The following NBEA variants were observed in gnomAD, a reference collection of about 807,000 sequenced individuals.
NBEA encodes lysosomal-trafficking regulator 2.
In NBEA, 44 loss-of-function variants were observed where a neutral mutation model predicts 343.4. The observed-to-expected ratio is 0.13, with a 90% CI of 0.10 to 0.16. The LOEUF (loss-of-function observed/expected upper bound fraction) is 0.16, where lower values mean the gene tolerates loss of function less well. NBEA is among the 10% of genes least tolerant of loss of function. The pLI, the probability that NBEA is intolerant of heterozygous loss-of-function variation, is 1.00. For missense variants in NBEA, 2,555 were observed against 3,631.3 expected, an observed-to-expected ratio of 0.70 and a Z score of 7.62; for synonymous variants, 1,175 against 1,238.7, an observed-to-expected ratio of 0.95 and a Z score of 1.08.
chr13:35,624,158 G>GT (rs1176260553), intron 48 of NBEA, among the ~76,000 whole-genome samples: 1 of 151,900 alleles, frequency 6.6e-6, no homozygotes, highest in East Asian at 1.9e-4. Flanking sequence ...CACCACTGCT[G>GT]TTTTACATAG....
intron 34 of NBEA, among the ~76,000 whole-genome samples, chr13:35,289,078 G>A (rs1448903702): frequency 1.3e-5 from 2 of 151,984 alleles, no homozygotes; most frequent in East Asian, 3.9e-4. Flanking sequence ...AGCAAAATGG[G>A]CACAAAAGAG....
At chr13:35,156,387 TTTTTA>T (rs1412099783) in intron 20 of NBEA, among the ~76,000 whole-genome samples, 181 bp downstream of exon 20, 1 of 152,104 alleles carries the variant, frequency 6.6e-6, no homozygotes, top group Non-Finnish European at 1.5e-5. Context: ...TTTTATATTA[TTTTTA>T]TTTTGTTACG....
intron 49 of NBEA, among the ~76,000 whole-genome samples, chr13:35,629,083 A>G (rs2083346422): frequency 2.0e-5 from 3 of 152,218 alleles, no homozygotes; most frequent in Non-Finnish European, 1.5e-5. Context: ...TAGTATGTAT[A>G]TAGTATTTTT....
intron 32 of NBEA, among the ~76,000 whole-genome samples, chr13:35,209,467 A>G (rs1327032033): frequency 6.6e-6 from 1 of 152,172 alleles, no homozygotes; most frequent in African/African-American, 2.4e-5. Flanking sequence ...AAAATTTCAA[A>G]TCAATTACAA....
intron 38 of NBEA, among the ~76,000 whole-genome samples, chr13:35,423,306 C>T (rs2044422432): frequency 6.6e-6 from 1 of 151,972 alleles, no homozygotes; most frequent in Non-Finnish European, 1.5e-5. Context: ...GTCTTTAATC[C>T]ATCTTGAATT....
chr13:35,634,848 A>G (rs2083626576), intron 49 of NBEA, among the ~76,000 whole-genome samples: 1 of 152,186 alleles, frequency 6.6e-6, no homozygotes, highest in South Asian at 2.1e-4. Context: ...TGACAGGGAT[A>G]ACACTGCCTC....
chr13:35,405,535 A>G (rs2043229166), intron 38 of NBEA, among the ~76,000 whole-genome samples: 1 of 152,182 alleles, frequency 6.6e-6, no homozygotes, highest in Non-Finnish European at 1.5e-5. Context: ...TGAACTTAAT[A>G]ATTTTAATAC....
At chr13:35,490,749 T>TAACCTTCATCTATATTACTGTATGTA (rs11408513) in intron 41 of NBEA, among the ~76,000 whole-genome samples, 25 of 151,702 alleles carry the variant, frequency 1.6e-4, no homozygotes, top group Non-Finnish European at 3.1e-4. Flanking sequence ...TTACTGTATG[T>TAACCTTCATCTATATTACTGTATGTA]ACCTTCATCT....
At chr13:35,313,312 C>T (rs1432831375) in intron 36 of NBEA, among the ~76,000 whole-genome samples, 1 of 152,152 alleles carries the variant, frequency 6.6e-6, no homozygotes, top group Non-Finnish European at 1.5e-5. Flanking sequence ...ATTTCTCCTG[C>T]TAAAATGTGT....
chr13:35,302,151 ATTG>A (rs1290295615), intron 35 of NBEA, among the ~76,000 whole-genome samples: 1 of 152,044 alleles, frequency 6.6e-6, no homozygotes, highest in Non-Finnish European at 1.5e-5. Flanking sequence ...ATTTTACTTT[ATTG>A]TTCTTACATT....
In NBEA at chr13:35,528,679, A is replaced by G. The variant is rs7333380; in HGVS notation, c.6586-21798A>G. Among the ~76,000 whole-genome samples the G allele has an allele frequency of 9.2e-3, 1,406 of 152,334 alleles. 29 individuals carry two copies. Among genetic ancestry groups the G allele is most frequent in the African/African-American group, 0.033 (1,357 of 41,580 alleles). ...AAGCAGTACTGAGCAGACTAATGAC[A>G]AAATTATACATTAAGGCTCAAAATC... On this transcript the variant is annotated intron_variant, in intron 41 of 58. Transcript: ENST00000379939.
intron 16 of NBEA, among the ~76,000 whole-genome samples, chr13:35,119,601 C>CA (rs1050494991): frequency 2.0e-5 from 3 of 151,958 alleles, no homozygotes; most frequent in Non-Finnish European, 4.4e-5. Flanking sequence ...CTTTTTGAGA[C>CA]AGAGTCTTGC....
intron 18 of NBEA, among the ~76,000 whole-genome samples, chr13:35,154,316 C>T (rs2069002795): frequency 6.6e-6 from 1 of 152,114 alleles, no homozygotes; most frequent in South Asian, 2.1e-4. Flanking sequence ...CCATCTTCAG[C>T]TTCTACAATA....
chr13:35,045,028 G>C lies in NBEA; in HGVS notation c.608G>C (p.Arg203Pro). 6.2e-7 allele frequency: 1 copy of C among 1,609,846 alleles called. No homozygotes were observed. Among genetic ancestry groups the C allele is most frequent in the Non-Finnish European group, 8.5e-7 (1 of 1,177,914 alleles). The change falls in exon 3 of 59, where the codon CGA becomes CCA. Residue 203 changes from arginine to proline, a missense_variant. Around this residue, in one of 21 missense-constraint regions of NBEA, gnomAD observed 185 missense variants for 290.6 expected, o/e 0.64. Transcript: ENST00000379939. The part of the protein sequence containing the change: ...KELKLLFSML[R>P]GESGIWPRHA... ...TTGAAGCTTTTGTTCAGCATGCTTC[G>C]AGGAGAAAGTGGAATCTGGGTAAGC...
chr13:35,515,181 G>T (rs2077435083), intron 41 of NBEA, among the ~76,000 whole-genome samples: 1 of 152,158 alleles, frequency 6.6e-6, no homozygotes, highest in Non-Finnish European at 1.5e-5. Context: ...ATGGATGAGG[G>T]TGTCATTATT....
chr13:35,482,134 G>A (rs1416448820), intron 41 of NBEA, among the ~76,000 whole-genome samples: 2 of 151,510 alleles, frequency 1.3e-5, no homozygotes, highest in African/African-American at 2.4e-5. Context: ...ATTTTTTAAT[G>A]AGCAAAGTAA....
intron 57 of NBEA, 87 bp downstream of exon 57, chr13:35,667,657 G>A (rs2085423231): frequency 2.4e-6 from 3 of 1,244,590 alleles, no homozygotes; most frequent in African/African-American, 1.5e-5. Flanking sequence ...ATAATAGAAT[G>A]TCTGTGCTAT....
At chr13:35,339,260 A>G (rs2039445268) in intron 36 of NBEA, among the ~76,000 whole-genome samples, 1 of 145,404 alleles carries the variant, frequency 6.9e-6, no homozygotes, top group East Asian at 2.1e-4. Context: ...TAAAGAAACT[A>G]CCAAAAAAAA....
intron 38 of NBEA, among the ~76,000 whole-genome samples, chr13:35,405,871 A>G (rs1566084692): frequency 6.6e-6 from 1 of 152,188 alleles, no homozygotes; most frequent in Non-Finnish European, 1.5e-5. Context: ...AGAATTAGCT[A>G]TTTCACAAGT....
Sources: allele counts gnomAD v4.1 joint callset (sites outside exome capture counted in the v4.1 genomes callset), GRCh38; gene constraint gnomAD v4.1.1; regional missense constraint gnomAD v4.1.1; transcripts MANE v1.5; gene names NCBI Gene and HGNC (gene_info 2026-07-23, HGNC 2026-07-21).